The following COL25A1 variants were observed in gnomAD, a reference collection of about 807,000 sequenced individuals.
COL25A1 encodes collagen alpha-1(XXV) chain.
In COL25A1, 103 loss-of-function variants were observed where a neutral mutation model predicts 128.4. The ratio of observed to expected loss-of-function variants is 0.80; its 90% CI spans 0.68 to 0.94. COL25A1 has a LOEUF of 0.94. Among genes scored for constraint, COL25A1 ranks in the 40% least tolerant of loss-of-function variants. The probability of loss-of-function intolerance (pLI) is 0.00; values close to 1 mark genes in which losing one functional copy is unlikely to be tolerated. For missense variants in COL25A1, 745 were observed against 840.0 expected (o/e 0.89, Z 1.40); for synonymous variants, 279 against 277.2 (o/e 1.01, Z -0.06).
At chr4:109,185,362 A>G (rs919379573) in intron 3 of COL25A1, among the ~76,000 whole-genome samples, 2 of 152,198 alleles carry the variant, frequency 1.3e-5, no homozygotes, top group African/African-American at 4.8e-5. Context: ...TAGCTGAAGC[A>G]TTACTGTCCT....
intron 3 of COL25A1, among the ~76,000 whole-genome samples, chr4:109,050,776 T>C (rs921834617): frequency 2.0e-5 from 3 of 152,074 alleles, no homozygotes; most frequent in Admixed American, 1.3e-4. Flanking sequence ...AGTGTTTAGG[T>C]AGTAATTATA....
At chr4:108,912,493 A>G (rs1744348737) in intron 13 of COL25A1, among the ~76,000 whole-genome samples, 1 of 152,166 alleles carries the variant, frequency 6.6e-6, no homozygotes, top group Non-Finnish European at 1.5e-5. Context: ...TCTTTTCTTA[A>G]AGTTTAGCAT....
chr4:109,187,744 G>A (rs1775269334), intron 3 of COL25A1, among the ~76,000 whole-genome samples: 1 of 152,064 alleles, frequency 6.6e-6, no homozygotes, highest in Admixed American at 6.6e-5. Context: ...TGGTAATTTT[G>A]CTAAAATCAG....
intron 3 of COL25A1, among the ~76,000 whole-genome samples, chr4:109,286,890 A>G (rs913063913): frequency 1.3e-5 from 2 of 152,214 alleles, no homozygotes; most frequent in African/African-American, 4.8e-5. Context: ...GTCTGATCCA[A>G]CATTTAGGAG....
intron 3 of COL25A1, among the ~76,000 whole-genome samples, chr4:109,073,757 C>T (rs965511678): frequency 6.6e-6 from 1 of 152,128 alleles, no homozygotes; most frequent in African/African-American, 2.4e-5. Flanking sequence ...ATCTTCAGGT[C>T]TCTATTATTT....
intron 11 of COL25A1, among the ~76,000 whole-genome samples, chr4:108,922,314 A>G (rs1436070540): frequency 1.3e-5 from 2 of 152,152 alleles, no homozygotes; most frequent in African/African-American, 2.4e-5. Flanking sequence ...CATTTTCTCC[A>G]GTGTCTCTAG....
At chr4:109,296,287 G>T (rs1724980007) in intron 3 of COL25A1, among the ~76,000 whole-genome samples, 1 of 151,878 alleles carries the variant, frequency 6.6e-6, no homozygotes, top group Admixed American at 6.6e-5. Flanking sequence ...TTCTAGAAAA[G>T]AATTATACTT....
intron 3 of COL25A1, among the ~76,000 whole-genome samples, chr4:109,177,105 T>G (rs1578363218): frequency 6.6e-6 from 1 of 152,176 alleles, no homozygotes; most frequent in East Asian, 1.9e-4. Flanking sequence ...GGAAGGAATA[T>G]GCAAACACAC....
intron 30 of COL25A1, among the ~76,000 whole-genome samples, chr4:108,842,026 C>T (rs1270983517): frequency 6.6e-6 from 1 of 152,052 alleles, no homozygotes; most frequent in Non-Finnish European, 1.5e-5. Context: ...CTCAAATTAC[C>T]ATTACAAAGT....
In COL25A1 at chr4:109,020,360, T is replaced by C. The variant is rs115577713; in HGVS notation, c.421-9985A>G. ...TTTAAGGTTTTCTTTTGGAAAACAA[T>C]TAATTCTCAATGGTTTTAATGCTGA... is the stretch of plus-strand genomic sequence containing the variant. On this transcript the variant is annotated intron_variant, in intron 5 of 37. Transcript: ENST00000399132. Among the ~76,000 whole-genome samples, 284 of 152,304 alleles carry C rather than the reference T, an allele frequency of 1.9e-3. 1 individual carries two copies. Among genetic ancestry groups the C allele is most frequent in the African/African-American group, 6.7e-3 (278 of 41,574 alleles).
At chr4:109,214,741 A>G (rs1777854389) in intron 3 of COL25A1, among the ~76,000 whole-genome samples, 1 of 152,120 alleles carries the variant, frequency 6.6e-6, no homozygotes, top group Admixed American at 6.6e-5. Context: ...TCCAGAAAGC[A>G]GAAGAGATCA....
At chr4:108,868,391 T>C (rs1475811965) in intron 20 of COL25A1, among the ~76,000 whole-genome samples, 1 of 151,904 alleles carries the variant, frequency 6.6e-6, no homozygotes, top group African/African-American at 2.4e-5. Flanking sequence ...TAGGCAAAAA[T>C]ATATGGTCAC....
Position 108,845,301 on chromosome 4 carries a change from T to C in COL25A1, c.1516-50A>G, listed in dbSNP as rs776802935. 5.4e-6 allele frequency: 8 copies of C among 1,471,436 alleles called. No individual in the cohort carries two copies. The South Asian group carries it at 7.9e-5, about 15-fold the overall frequency. The allele number at this position is 1,471,436 out of a possible 1,614,324, so 91.1% of individuals were successfully genotyped here. On this transcript the variant is annotated intron_variant, in intron 28 of 37. Coordinates refer to ENST00000399132, the MANE Select transcript of COL25A1 (RefSeq NM_198721.4). ...TAAGCAGGTAAAGTTATTTCCAGTG[T>C]AAGAGACAACTGAATTTTCTCCCCA...
intron 3 of COL25A1, among the ~76,000 whole-genome samples, chr4:109,186,902 A>C (rs1258465489): frequency 3.3e-5 from 5 of 152,172 alleles, no homozygotes; most frequent in African/African-American, 7.2e-5. Context: ...TGGACTAAAA[A>C]CTGTATTCAT....
intron 18 of COL25A1, among the ~76,000 whole-genome samples, chr4:108,888,429 T>C (rs1032628695): frequency 6.6e-6 from 1 of 152,234 alleles, no homozygotes; most frequent in Non-Finnish European, 1.5e-5. Context: ...TAACCTAATA[T>C]AGAATCCACA....
chr4:108,852,831 C>T lies in COL25A1; in HGVS notation c.1344+71G>A, dbSNP rs7691708. ...GATAAAAACAATAGCTACATTAGTA[C>T]CATTTTGGCTGGCATGCATCAACAC... is the stretch of plus-strand genomic sequence containing the variant. On this transcript the variant is annotated intron_variant, in intron 25 of 37. Coordinates refer to ENST00000399132, the MANE Select transcript of COL25A1 (RefSeq NM_198721.4). 2.0e-3 allele frequency: 2,303 copies of T among 1,171,602 alleles called. 37 individuals are homozygous for T. The African/African-American group carries it at 0.032, about 16-fold the overall frequency. 72.6% of individuals were successfully genotyped at this position (1,171,602 alleles called of 1,614,324 possible). A position where few individuals can be genotyped will look rare whatever the true frequency, so the allele number is the denominator to read the frequency against.
intron 3 of COL25A1, among the ~76,000 whole-genome samples, chr4:109,090,594 C>T (rs960849131): frequency 3.9e-5 from 6 of 152,120 alleles, no homozygotes; most frequent in African/African-American, 1.4e-4. Flanking sequence ...GTCTAAATGT[C>T]TTATTAAAGA....
chr4:108,882,359 A>G (rs1740236983), intron 19 of COL25A1, among the ~76,000 whole-genome samples: 2 of 151,776 alleles, frequency 1.3e-5, no homozygotes, highest in Non-Finnish European at 2.9e-5. Context: ...AGGGACAACT[A>G]GATTTCAAAG....
At chr4:109,122,149 A>C (rs992583486) in intron 3 of COL25A1, among the ~76,000 whole-genome samples, 2 of 152,098 alleles carry the variant, frequency 1.3e-5, no homozygotes, top group African/African-American at 4.8e-5. Context: ...GTCTGAGCAC[A>C]GAGGATTTTA....
Sources: gnomAD v4.1 joint callset for allele counts (sites outside exome capture counted in the v4.1 genomes callset) on GRCh38, gnomAD v4.1.1 for gene constraint, MANE v1.5 for transcripts, NCBI Gene and HGNC (gene_info 2026-07-23, HGNC 2026-07-21) for gene names.